ZBED4: variants seen among roughly 807,000 people sequenced by gnomAD.
ZBED4 encodes zinc finger BED-type containing 4, also known as zinc finger BED domain-containing protein 4.
A neutral mutation model predicts 15.5 loss-of-function variants in ZBED4; 4 were observed. The observed-to-expected ratio is 0.26, with a 90% CI of 0.13 to 0.59. The LOEUF (loss-of-function observed/expected upper bound fraction) is 0.59, where lower values mean the gene tolerates loss of function less well. Among genes scored for constraint, ZBED4 ranks in the 20% least tolerant of loss-of-function variants. The pLI, the probability that ZBED4 is intolerant of heterozygous loss-of-function variation, is 0.90. For synonymous variants in ZBED4, 692 were observed against 608.5 expected (o/e 1.14, Z -2.02); for missense variants, 1,323 against 1,461.8 (o/e 0.91, Z 1.55).
At position 49,887,534 on chromosome 22, in the gene ZBED4, C is replaced by T. The variant is rs1308948126; in HGVS notation, c.*356C>T. On this transcript the variant is annotated 3_prime_UTR_variant, in exon 2 of 2. Transcript: ENST00000216268. ...CATTTTATTCTGTAGGCTTTTTACT[C>T]AATTATGTACAAACCACAAATCAGG... is the stretch of plus-strand genomic sequence containing the variant. 1 of 196,242 alleles carries T rather than the reference C, an allele frequency of 5.1e-6. No homozygotes were observed. Among genetic ancestry groups the T allele is most frequent in the East Asian group, 1.3e-4 (1 of 7,474 alleles). The allele number at this position is 196,242 out of a possible 1,614,324, so 12.2% of individuals were successfully genotyped here. A position where few individuals can be genotyped will look rare whatever the true frequency, so the allele number is the denominator to read the frequency against.
intron 1 of ZBED4, among the ~76,000 whole-genome samples, chr22:49,879,210 C>G (rs1373632295): frequency 2.0e-5 from 3 of 150,978 alleles, no homozygotes; most frequent in African/African-American, 7.3e-5. Flanking sequence ...CTGTAACTTG[C>G]GCCTCCCGGG....
chr22:49,864,914 A>G (rs1368297249), intron 1 of ZBED4, among the ~76,000 whole-genome samples: 2 of 128,196 alleles, frequency 1.6e-5, no homozygotes, highest in African/African-American at 3.5e-5. Flanking sequence ...TCCTTGATTG[A>G]CCATGGGGTT....
intron 1 of ZBED4, among the ~76,000 whole-genome samples, chr22:49,862,859 G>A (rs2060303823): frequency 3.3e-5 from 5 of 151,732 alleles, no homozygotes; most frequent in Admixed American, 1.3e-4. Flanking sequence ...CCACCACCAC[G>A]CCTGGCTAAT....
chr22:49,873,957 G>A (rs2060361702), intron 1 of ZBED4, among the ~76,000 whole-genome samples: 1 of 152,256 alleles, frequency 6.6e-6, no homozygotes, highest in Non-Finnish European at 1.5e-5. Flanking sequence ...CTGAAATTAG[G>A]ACATTCCCGG....
chr22:49,887,929 A>G lies in ZBED4; in HGVS notation c.*751A>G, dbSNP rs2060448795. ...GCTCATCACTTCGCCAGTGCGTTCAATGACACGCTGATGGCAGGTGGTCCC... is the reference window on the plus strand; with the variant it reads ...GCTCATCACTTCGCCAGTGCGTTCAGTGACACGCTGATGGCAGGTGGTCCC... On this transcript the variant is annotated 3_prime_UTR_variant, in exon 2 of 2. Transcript: ENST00000216268. The G allele has an allele frequency of 1.2e-5, 2 of 167,276 alleles. No homozygotes were observed. The highest frequency in any genetic ancestry group is 4.8e-5 in the African/African-American group (2 of 41,470). 10.4% of individuals were successfully genotyped at this position (167,276 alleles called of 1,614,324 possible). A position where few individuals can be genotyped will look rare whatever the true frequency, so the allele number is the denominator to read the frequency against.
At position 49,883,431 on chromosome 22, in the gene ZBED4, A is replaced by C. The variant is rs2060419651; in HGVS notation, c.-232A>C. 2.1e-6 allele frequency: 1 copy of C among 472,340 alleles called. No homozygotes were observed. Among genetic ancestry groups the C allele is most frequent in the Admixed American group, 3.8e-5 (1 of 26,298 alleles). 29.3% of individuals were successfully genotyped at this position (472,340 alleles called of 1,614,324 possible). A position where few individuals can be genotyped will look rare whatever the true frequency, so the allele number is the denominator to read the frequency against. ...CTCTGCTGCACACATTGTTGTCTAC[A>C]CCATGAGTGTTTAGTAGCAGGACTC... is the stretch of plus-strand genomic sequence containing the variant. On this transcript the variant is annotated 5_prime_UTR_variant, in exon 2 of 2. Transcript: ENST00000216268.
chr22:49,871,678 A>C (rs1385279196), intron 1 of ZBED4, among the ~76,000 whole-genome samples: 1 of 151,880 alleles, frequency 6.6e-6, no homozygotes, highest in East Asian at 1.9e-4. Flanking sequence ...CTGCTGACCA[A>C]TCAGAGTGCA....
chr22:49,881,416 C>T (rs1273376816), intron 1 of ZBED4, among the ~76,000 whole-genome samples: 4 of 152,304 alleles, frequency 2.6e-5, no homozygotes, highest in African/African-American at 9.6e-5. Context: ...GAGATAGGAT[C>T]TCACTGTTGG....
At position 49,885,886 on chromosome 22, in the gene ZBED4, G is replaced by C. The variant is rs751809107; in HGVS notation, c.2224G>C (p.Glu742Gln). 2.8e-5 allele frequency: 33 copies of C among 1,195,392 alleles called. No individual in the cohort carries two copies. In the Admixed American group the frequency reaches 4.8e-4, roughly 17 times the overall value. 74.0% of individuals were successfully genotyped at this position (1,195,392 alleles called of 1,614,324 possible). A position where few individuals can be genotyped will look rare whatever the true frequency, so the allele number is the denominator to read the frequency against. The change falls in exon 2 of 2, where the codon GAG becomes CAG. Residue 742 changes from glutamate (E) to glutamine (Q), a missense_variant. Transcript: ENST00000216268. Reference sequence around the variant, plus strand: ...AATATGGATGAGTAACCAGACCCGTGAGTACCTGACCCTCACGGCCCACTG... The same window carrying C: ...AATATGGATGAGTAACCAGACCCGTCAGTACCTGACCCTCACGGCCCACTG... The part of the protein sequence containing the change: ...SGIWMSNQTR[E>Q]YLTLTAHWVS...
chr22:49,880,309 C>G (rs2060402218), intron 1 of ZBED4, among the ~76,000 whole-genome samples: 1 of 152,230 alleles, frequency 6.6e-6, no homozygotes, highest in Admixed American at 6.5e-5. Context: ...CTTTGGTTCT[C>G]TGAGGGTGGT....
intron 1 of ZBED4, among the ~76,000 whole-genome samples, chr22:49,876,191 G>T (rs536029499): frequency 3.7e-4 from 57 of 152,146 alleles, no homozygotes; most frequent in African/African-American, 1.3e-3. Context: ...TTGCTTTATT[G>T]TCCAGAGAAG....
At chr22:49,877,584 C>T (rs569016574) in intron 1 of ZBED4, among the ~76,000 whole-genome samples, 9 of 152,210 alleles carry the variant, frequency 5.9e-5, no homozygotes, top group African/African-American at 1.9e-4. Context: ...TGAGCCACCA[C>T]GCCTGGCCTA....
chr22:49,869,446 T>A (rs2147517910), intron 1 of ZBED4, among the ~76,000 whole-genome samples: 1 of 152,342 alleles, frequency 6.6e-6, no homozygotes, highest in South Asian at 2.1e-4. Flanking sequence ...TGGACTTTAG[T>A]GTGGGTCACT....
intron 1 of ZBED4, among the ~76,000 whole-genome samples, chr22:49,877,525 C>T (rs890624495): frequency 1.3e-5 from 2 of 152,014 alleles, no homozygotes; most frequent in African/African-American, 4.8e-5. Flanking sequence ...CTCCTGACCT[C>T]GTGTGATCCC....
intron 1 of ZBED4, among the ~76,000 whole-genome samples, chr22:49,870,483 ATC>A (rs2060341460): frequency 6.6e-6 from 1 of 152,010 alleles, no homozygotes; most frequent in African/African-American, 2.4e-5. Flanking sequence ...CCTCTCCAGC[ATC>A]TGTTATTTTT....
At chr22:49,858,805 C>T (rs751201832) in intron 1 of ZBED4, among the ~76,000 whole-genome samples, 1 of 152,194 alleles carries the variant, frequency 6.6e-6, no homozygotes, top group African/African-American at 2.4e-5. Flanking sequence ...CTGTTTTTCC[C>T]AACCAGAATC....
At position 49,888,853 on chromosome 22, in the gene ZBED4, C is replaced by G. The variant is rs985228396; in HGVS notation, c.*1675C>G. On this transcript the variant is annotated 3_prime_UTR_variant, in exon 2 of 2. Coordinates refer to ENST00000216268, the MANE Select transcript of ZBED4 (RefSeq NM_014838.3). Reference sequence around the variant, plus strand: ...GAGGTGGGGTCCATGGCCCACCCATCTCTCCCTCGCCAGCAGCCCTGGCCA... The same window carrying G: ...GAGGTGGGGTCCATGGCCCACCCATGTCTCCCTCGCCAGCAGCCCTGGCCA... The G allele has an allele frequency of 6.6e-5, 11 of 167,272 alleles. No individual in the cohort carries two copies. The highest frequency in any genetic ancestry group is 2.2e-4 in the African/African-American group (9 of 41,460). 10.4% of individuals were successfully genotyped at this position (167,272 alleles called of 1,614,324 possible). A position where few individuals can be genotyped will look rare whatever the true frequency, so the allele number is the denominator to read the frequency against.
chr22:49,869,736 C>G lies in ZBED4; in HGVS notation c.-329-13598C>G, dbSNP rs545209126. ...AACCCTGTGCACGCATCCCCAGCTT[C>G]AGAATTACCAGTTCACAGCCATTCC... On this transcript the variant is annotated intron_variant, in intron 1 of 1. Coordinates refer to ENST00000216268, the MANE Select transcript of ZBED4 (RefSeq NM_014838.3). 2.0e-5 allele frequency among the ~76,000 whole-genome samples: 3 copies of G among 152,298 alleles called. No individual in the cohort carries two copies. In the South Asian group the frequency reaches 6.2e-4, roughly 32 times the overall value.
intron 1 of ZBED4, among the ~76,000 whole-genome samples, chr22:49,861,780 G>A (rs2060298356): frequency 6.6e-6 from 1 of 152,202 alleles, no homozygotes; most frequent in African/African-American, 2.4e-5. Flanking sequence ...ATGAATGTGT[G>A]GGTCCTATTG....
Sources: allele counts gnomAD v4.1 joint callset (sites outside exome capture counted in the v4.1 genomes callset), GRCh38; gene constraint gnomAD v4.1.1; transcripts MANE v1.5; gene names NCBI Gene and HGNC (gene_info 2026-07-23, HGNC 2026-07-21).